The following MERTK variants were observed in gnomAD, a reference collection of about 807,000 sequenced individuals.
MERTK encodes the protein tyrosine-protein kinase Mer.
In MERTK, 69 loss-of-function variants were observed where a neutral mutation model predicts 99.3. That is an observed-to-expected ratio of 0.70 (90% CI 0.57 to 0.85). The LOEUF is 0.85. Ranked by LOEUF, MERTK falls within the 40% of genes least tolerant of loss-of-function variation. MERTK has a pLI of 0.00. For missense variants in MERTK, 1,125 were observed against 1,249.4 expected (o/e 0.90, Z 1.50); for synonymous variants, 426 against 467.6 (o/e 0.91, Z 1.15).
intron 3 of MERTK, 63 bp from the exon 4 acceptor site, chr2:111,947,331 C>T: frequency 6.3e-7 from 1 of 1,578,604 alleles, no homozygotes; most frequent in East Asian, 2.2e-5. Flanking sequence ...TTTCCATTCC[C>T]CTTTGGGCTC....
At chr2:111,982,355 C>T (rs892262122) in intron 7 of MERTK, among the ~76,000 whole-genome samples, 5 of 152,034 alleles carry the variant, frequency 3.3e-5, no homozygotes, top group Non-Finnish European at 5.9e-5. Context: ...CCATACCTGG[C>T]CAACATTTTC....
chr2:111,928,931 C>T (rs1361490768), intron 1 of MERTK, among the ~76,000 whole-genome samples, 189 bp from the exon 2 acceptor site: 2 of 152,002 alleles, frequency 1.3e-5, no homozygotes, highest in African/African-American at 2.4e-5. Context: ...CTTCCAGAGG[C>T]GAGTTTACAA....
At chr2:111,906,608 GT>G (rs1490934801) in intron 1 of MERTK, among the ~76,000 whole-genome samples, 2 of 152,212 alleles carry the variant, frequency 1.3e-5, no homozygotes, top group African/African-American at 2.4e-5. Context: ...CTGGAGGCCA[GT>G]TTTTCACTTG....
intron 1 of MERTK, among the ~76,000 whole-genome samples, chr2:111,912,259 G>T (rs1026939981): frequency 2.6e-5 from 4 of 151,728 alleles, no homozygotes; most frequent in Non-Finnish European, 5.9e-5. Flanking sequence ...TGCCCACCTC[G>T]GTCTCCCAAA....
intron 8 of MERTK, among the ~76,000 whole-genome samples, chr2:111,992,721 A>T (rs1198580866): frequency 3.3e-5 from 5 of 150,034 alleles, no homozygotes; most frequent in Non-Finnish European, 5.9e-5. Context: ...ACTGCACTCC[A>T]GCCTGGGTGA....
At chr2:111,948,615 C>A (rs1318358104) in intron 4 of MERTK, among the ~76,000 whole-genome samples, 62 of 152,162 alleles carry the variant, frequency 4.1e-4, no homozygotes, top group Non-Finnish European at 1.2e-4. Context: ...ATTTTCCCAT[C>A]CTTCCTTTTT....
intron 2 of MERTK, among the ~76,000 whole-genome samples, chr2:111,935,638 C>CGTGTGTGT (rs55986780): frequency 3.5e-4 from 49 of 139,930 alleles, no homozygotes; most frequent in East Asian, 4.3e-4. Context: ...GGTCTTGGCT[C>CGTGTGTGT]GTGTGTGTGT....
chr2:112,027,574 A>G (rs1256436222), intron 18 of MERTK, among the ~76,000 whole-genome samples: 1 of 152,082 alleles, frequency 6.6e-6, no homozygotes, highest in Non-Finnish European at 1.5e-5. Context: ...TCTATAAAAC[A>G]AAGTGGAAGG....
chr2:111,987,836 G>A (rs778811746), intron 8 of MERTK, among the ~76,000 whole-genome samples: 3 of 152,156 alleles, frequency 2.0e-5, no homozygotes, highest in Non-Finnish European at 4.4e-5. Context: ...GTTAGGCAGA[G>A]ACACATTTTT....
At position 112,029,208 on chromosome 2, in the gene MERTK, T is replaced by G; in HGVS notation, c.*344T>G. 1 of 1,004,938 alleles carries G rather than the reference T, an allele frequency of 1.0e-6. No individual in the cohort carries two copies. The highest frequency in any genetic ancestry group is 1.2e-6 in the Non-Finnish European group (1 of 838,374). 62.3% of individuals were successfully genotyped at this position (1,004,938 alleles called of 1,614,324 possible). ...GTTGTTTTTTCAAGTTCTTTTCTTT[T>G]TCATGACTATTAAATGTAAAAATAT... On this transcript the variant is annotated 3_prime_UTR_variant, in exon 19 of 19. Transcript: ENST00000295408.
chr2:112,017,462 T>G (rs186839990), intron 15 of MERTK, among the ~76,000 whole-genome samples: 40 of 152,138 alleles, frequency 2.6e-4, no homozygotes, highest in African/African-American at 9.4e-4. Flanking sequence ...AAACCCCATC[T>G]CTACTAAAAA....
At chr2:111,978,918 T>C (rs1676311713) in intron 7 of MERTK, among the ~76,000 whole-genome samples, 1 of 152,196 alleles carries the variant, frequency 6.6e-6, no homozygotes, top group Non-Finnish European at 1.5e-5. Context: ...AAGGGCTCAG[T>C]CTCAGGTCGG....
At chr2:112,005,607 T>G (rs1573635314) in intron 13 of MERTK, among the ~76,000 whole-genome samples, 1 of 152,282 alleles carries the variant, frequency 6.6e-6, no homozygotes, top group Admixed American at 6.5e-5. Flanking sequence ...GCATGGCCTA[T>G]CACTGGGGAA....
rs188729849 is a variant in MERTK at position 112,005,690 on chromosome 2, G to A, written c.1867+1706G>A. 1.4e-3 allele frequency among the ~76,000 whole-genome samples: 212 copies of A among 152,192 alleles called. 2 individuals are homozygous for A. The highest frequency in any genetic ancestry group is 4.6e-3 in the African/African-American group (189 of 41,520). On this transcript the variant is annotated intron_variant, in intron 13 of 18. Transcript: ENST00000295408. ...ATGAATCATGGATGGAGATTATTTG[G>A]TGCTCAGTTTGTCAATATTCTTGAT...
At chr2:111,963,804 C>T (rs1048403723) in intron 4 of MERTK, among the ~76,000 whole-genome samples, 3 of 152,076 alleles carry the variant, frequency 2.0e-5, no homozygotes, top group African/African-American at 7.2e-5. Context: ...CTTTCTTTTC[C>T]CCACAGACAG....
intron 18 of MERTK, 99 bp downstream of exon 18, chr2:112,022,493 T>A: frequency 6.4e-7 from 1 of 1,565,834 alleles, no homozygotes. Context: ...GGAAAGGGAC[T>A]GCTGTTAGCC....
intron 2 of MERTK, chr2:111,940,355 C>T: frequency 1.9e-6 from 1 of 522,720 alleles, no homozygotes; most frequent in Non-Finnish European, 3.8e-6. Flanking sequence ...GCAATAATTG[C>T]CTGAACAGCT....
At position 112,025,400 on chromosome 2, in the gene MERTK, T is replaced by C. The variant is rs114771502; in HGVS notation, c.2487-2951T>C. ...ATTGCCCTCACACTATTATTTACCC[T>C]GGCACCCAGGACCTGGTGTGTTGGC... On this transcript the variant is annotated intron_variant, in intron 18 of 18. Coordinates refer to ENST00000295408, the MANE Select transcript of MERTK (RefSeq NM_006343.3). 2.9e-3 allele frequency among the ~76,000 whole-genome samples: 434 copies of C among 152,266 alleles called. 2 individuals carry two copies. The highest frequency in any genetic ancestry group is 1.0e-2 in the African/African-American group (415 of 41,552).
At chr2:111,969,929 G>C (rs995302927) in intron 6 of MERTK, among the ~76,000 whole-genome samples, 2 of 151,864 alleles carry the variant, frequency 1.3e-5, no homozygotes, top group Non-Finnish European at 2.9e-5. Flanking sequence ...CTGACCTCAT[G>C]ATCCGCCTGT....
Sources: gnomAD v4.1 joint callset for allele counts (sites outside exome capture counted in the v4.1 genomes callset) on GRCh38, gnomAD v4.1.1 for gene constraint, MANE v1.5 for transcripts, NCBI Gene and HGNC (gene_info 2026-07-23, HGNC 2026-07-21) for gene names.